Variants in KIF26A observed in about 807,000 individuals in gnomAD.
The protein encoded by KIF26A is kinesin family member 26A.
A neutral mutation model predicts 126.0 loss-of-function variants in KIF26A; 74 were observed. The observed-to-expected ratio is 0.59, with a 90% CI of 0.49 to 0.71. KIF26A has a LOEUF of 0.71. Among genes scored for constraint, KIF26A ranks in the 30% least tolerant of loss-of-function variants. The pLI is 0.00. For missense variants in KIF26A, 2,984 were observed against 2,763.3 expected (o/e 1.08, Z -1.79); for synonymous variants, 1,445 against 1,232.7 (o/e 1.17, Z -3.61).
At chr14:104,139,907 G>T (rs1233163538) in intron 2 of KIF26A, among the ~76,000 whole-genome samples, 1 of 152,222 alleles carries the variant, frequency 6.6e-6, no homozygotes, top group Non-Finnish European at 1.5e-5. Flanking sequence ...CCAGGGGCAG[G>T]TGCTTGCAGG....
chr14:104,172,595 C>T lies in KIF26A; in HGVS notation c.1347C>T (p.Thr449=), dbSNP rs1247517494. ...CCTAGGCCGAAGTCTGCTCGGGGAC[C>T]GTGGCCGACGTGCTCCAGTCGGTGG... ...DSEQAEVCSG[T]VADVLQSVVS... is the part of the protein sequence containing the mutation. The change falls in exon 7 of 15, where the codon ACC becomes ACT. Residue 449 remains threonine, a synonymous_variant. Transcript: ENST00000423312. 14 of 1,612,852 alleles carry T rather than the reference C, an allele frequency of 8.7e-6. No homozygotes were observed. The East Asian group carries it at 1.8e-4, about 21-fold the overall frequency.
rs1002172815 is a variant in KIF26A at position 104,180,080 on chromosome 14, C to T, written c.*290C>T. On this transcript the variant is annotated 3_prime_UTR_variant, in exon 15 of 15. Transcript: ENST00000423312. ...TGCATTTGGTGCTACAGACTTGAGA[C>T]ACCAGCAGAAGTTGTGTTCAGCCCG... is the stretch of plus-strand genomic sequence containing the variant. 2 of 355,670 alleles carry T rather than the reference C, an allele frequency of 5.6e-6. No individual in the cohort carries two copies. Among genetic ancestry groups the T allele is most frequent in the Admixed American group, 4.5e-5 (1 of 22,382 alleles). The allele number at this position is 355,670 out of a possible 1,614,324, so 22.0% of individuals were successfully genotyped here.
At chr14:104,172,525 G>A (rs545706025) in intron 6 of KIF26A, 50 bp from the exon 7 acceptor site, 2 of 1,426,256 alleles carry the variant, frequency 1.4e-6, no homozygotes, top group South Asian at 1.2e-5. Context: ...GCCCACAGAC[G>A]TGGCAGAAGG....
chr14:104,154,976 C>T (rs2037763197), intron 3 of KIF26A, among the ~76,000 whole-genome samples: 1 of 152,138 alleles, frequency 6.6e-6, no homozygotes, highest in Admixed American at 6.5e-5. Flanking sequence ...ATGGGCCAGG[C>T]AGGGGCAGAT....
intron 4 of KIF26A, among the ~76,000 whole-genome samples, chr14:104,163,903 C>T (rs1342871649): frequency 6.6e-6 from 1 of 152,102 alleles, no homozygotes; most frequent in Non-Finnish European, 1.5e-5. Context: ...GGGGCTTCTC[C>T]TGGGTAGCCG....
rs147369482 is a variant in KIF26A, at chr14:104,176,430, G to T, written c.3642G>T (p.Pro1214=). 115 of 1,595,756 alleles carry T rather than the reference G, an allele frequency of 7.2e-5. No individual in the cohort carries two copies. Among genetic ancestry groups the T allele is most frequent in the Non-Finnish European group, 9.6e-5 (112 of 1,168,812 alleles). Residue 1214 remains proline (P), a synonymous_variant, in exon 12 of 15, where the codon CCG becomes CCT. Transcript: ENST00000423312. ...TCCACTCCAGCCTCCCCCGGAAACCGAGGACTGCCTCTGCCACCACCCGTG... is the reference window on the plus strand; with the variant it reads ...TCCACTCCAGCCTCCCCCGGAAACCTAGGACTGCCTCTGCCACCACCCGTG... The part of the protein sequence containing the change: ...QTIHSSLPRK[P]RTASATTRVG...
chr14:104,156,583 A>G (rs1371523917), intron 3 of KIF26A, among the ~76,000 whole-genome samples: 1 of 151,934 alleles, frequency 6.6e-6, no homozygotes, highest in Non-Finnish European at 1.5e-5. Flanking sequence ...AGGGGCCTGG[A>G]AGCTGGTACC....
chr14:104,179,612 A>G lies in KIF26A; in HGVS notation c.5471A>G (p.Glu1824Gly). The G allele has an allele frequency of 6.6e-7, 1 of 1,524,246 alleles. No individual in the cohort carries two copies. Among genetic ancestry groups the G allele is most frequent in the Non-Finnish European group, 8.8e-7 (1 of 1,133,866 alleles). 94.4% of individuals were successfully genotyped at this position (1,524,246 alleles called of 1,614,324 possible). A position where few individuals can be genotyped will look rare whatever the true frequency, so the allele number is the denominator to read the frequency against. ...TCCCCTCTCCTCCCCTCCCCAGTTG[A>G]GGTGGACCCGGAGCTGGAGCCCGAG... Reference protein sequence around the residue: ...LEPGRWLEQFEVDPELEPESA... With the variant: ...LEPGRWLEQFGVDPELEPESA... The change falls in exon 15 of 15, where the codon GAG (glutamate) becomes GGG (glycine). Residue 1824 changes from glutamate (E) to glycine (G), a missense_variant. Glu to Gly is a moderately conservative substitution (Grantham distance 98). Transcript: ENST00000423312.
chr14:104,176,172 G>A lies in KIF26A; in HGVS notation c.3384G>A (p.Thr1128=), dbSNP rs1159458832. 5.6e-6 allele frequency: 9 copies of A among 1,593,102 alleles called. No homozygotes were observed. The highest frequency in any genetic ancestry group is 1.7e-4 in the Middle Eastern group (1 of 6,006). The change falls in exon 12 of 15, where the codon ACG becomes ACA. Residue 1128 remains threonine (T), a synonymous_variant. Transcript: ENST00000423312. ...GCACTGCCGACAGCCGTGACCCCAC[G>A]CCGCAGCCCCGCTTCAGCCCCGACT... ...SVCTADSRDP[T]PQPRFSPDSL... is the part of the protein sequence containing the mutation.
intron 4 of KIF26A, among the ~76,000 whole-genome samples, 169 bp from the exon 5 acceptor site, chr14:104,166,690 C>T (rs80005485): frequency 2.0e-5 from 3 of 152,260 alleles, no homozygotes; most frequent in East Asian, 3.9e-4. Context: ...CAGCCTGAAC[C>T]GTCCACTGTA....
At position 104,177,611 on chromosome 14, in the gene KIF26A, C is replaced by A; in HGVS notation, c.4823C>A (p.Ala1608Asp). Residue 1608 changes from alanine (A) to aspartate (D), a missense_variant, in exon 12 of 15, where the codon GCC (alanine) becomes GAC (aspartate). Ala to Asp is a moderately radical substitution (Grantham distance 126, BLOSUM62 -2). Coordinates refer to ENST00000423312, the MANE Select transcript of KIF26A (RefSeq NM_015656.2). ...GAGGAGCGGCCACCCACGGGCCCGG[C>A]CCTGCCCTCCCCCTACAGCAAGGTG... ...VGEERPPTGP[A>D]LPSPYSKVTA... The A allele has an allele frequency of 6.5e-7, 1 of 1,527,310 alleles. No individual in the cohort carries two copies. Among genetic ancestry groups the A allele is most frequent in the Non-Finnish European group, 8.8e-7 (1 of 1,141,962 alleles). The allele number at this position is 1,527,310 out of a possible 1,614,324, so 94.6% of individuals were successfully genotyped here.
Position 104,139,095 on chromosome 14 carries a change from C to A in KIF26A, c.95C>A (p.Pro32His), listed in dbSNP as rs1444953347. 1.4e-6 allele frequency: 2 copies of A among 1,465,216 alleles called. No homozygotes were observed. Among genetic ancestry groups the A allele is most frequent in the Non-Finnish European group, 9.0e-7 (1 of 1,111,382 alleles). 90.8% of individuals were successfully genotyped at this position (1,465,216 alleles called of 1,614,324 possible). The change falls in exon 2 of 15, where the codon CCC becomes CAC. Residue 32 changes from proline (P) to histidine (H), a missense_variant. Transcript: ENST00000423312. ...CCGCCGCCGCTGCTGGAGGTGTCCC[C>A]CCGAAAGAGGCTACCCGCCGGGCCC... The part of the protein sequence containing the change: ...REPPPLLEVS[P>H]RKRLPAGPDQ...
rs1380154073 is a variant in KIF26A, at chr14:104,157,978, A to G, written c.923+36A>G. 3 of 1,464,640 alleles carry G rather than the reference A, an allele frequency of 2.0e-6. No individual in the cohort carries two copies. In the African/African-American group the frequency reaches 4.4e-5, roughly 21 times the overall value. The allele number at this position is 1,464,640 out of a possible 1,614,324, so 90.7% of individuals were successfully genotyped here. ...GGGCTTCCTGGGCAGCCTTGTGGGCAGGGCCCCATGGCCCCGGCTGTGGGC... is the reference window on the plus strand; with the variant it reads ...GGGCTTCCTGGGCAGCCTTGTGGGCGGGGCCCCATGGCCCCGGCTGTGGGC... On this transcript the variant is annotated intron_variant, in intron 4 of 14. Coordinates refer to ENST00000423312, the MANE Select transcript of KIF26A (RefSeq NM_015656.2).
rs1007424844 is a variant in KIF26A, at chr14:104,171,636, C to A, written c.1114-87C>A. ...CCAGTGTGAGGCCTGGCCCGCTGTC[C>A]CCACCTGAGCTGGGCCCCTCCTGCC... On this transcript the variant is annotated intron_variant, in intron 5 of 14. Transcript: ENST00000423312. 10 of 1,184,494 alleles carry A rather than the reference C, an allele frequency of 8.4e-6. No homozygotes were observed. In the Admixed American group the frequency reaches 1.5e-4, roughly 17 times the overall value. 73.4% of individuals were successfully genotyped at this position (1,184,494 alleles called of 1,614,324 possible). A position where few individuals can be genotyped will look rare whatever the true frequency, so the allele number is the denominator to read the frequency against.
Position 104,149,864 on chromosome 14 carries a change from G to A in KIF26A, c.289-2151G>A, listed in dbSNP as rs550176895. ...GCTCCAGAACGGCGAGCTGGGGGCCGGGCTGCCTGTCAGGTTGGGTTAATA... is the reference window on the plus strand; with the variant it reads ...GCTCCAGAACGGCGAGCTGGGGGCCAGGCTGCCTGTCAGGTTGGGTTAATA... On this transcript the variant is annotated intron_variant, in intron 2 of 14. Transcript: ENST00000423312. 2.2e-4 allele frequency among the ~76,000 whole-genome samples: 33 copies of A among 152,342 alleles called. 1 individual carries two copies. The highest frequency in any genetic ancestry group is 1.4e-3 in the Admixed American group (21 of 15,306).
At chr14:104,158,502 C>T (rs1238199598) in intron 4 of KIF26A, among the ~76,000 whole-genome samples, 6 of 152,194 alleles carry the variant, frequency 3.9e-5, no homozygotes, top group African/African-American at 1.2e-4. Context: ...CGGTGCCAGC[C>T]GGGCTTGTGG....
At chr14:104,155,102 G>T (rs955430628) in intron 3 of KIF26A, among the ~76,000 whole-genome samples, 1 of 152,178 alleles carries the variant, frequency 6.6e-6, no homozygotes, top group African/African-American at 2.4e-5. Flanking sequence ...ATCCACACCC[G>T]TGCAGGGGTG....
intron 5 of KIF26A, 105 bp downstream of exon 5, chr14:104,167,153 G>A: frequency 1.6e-6 from 2 of 1,260,254 alleles, no homozygotes; most frequent in Non-Finnish European, 2.1e-6. Flanking sequence ...CCTTCTCTGG[G>A]TTGGATAAGG....
intron 2 of KIF26A, among the ~76,000 whole-genome samples, chr14:104,142,464 T>C (rs2037646326): frequency 7.4e-6 from 1 of 135,200 alleles, no homozygotes; most frequent in African/African-American, 2.7e-5. Flanking sequence ...CCAGGGACCT[T>C]TCTCTAATGG....
Sources: gnomAD v4.1 joint callset for allele counts (sites outside exome capture counted in the v4.1 genomes callset) on GRCh38, gnomAD v4.1.1 for gene constraint, MANE v1.5 for transcripts, NCBI Gene and HGNC (gene_info 2026-07-23, HGNC 2026-07-21) for gene names.